Variants in MAML2 observed in about 807,000 individuals in gnomAD.
MAML2 encodes the protein mastermind-like protein 2.
A neutral mutation model predicts 96.1 loss-of-function variants in MAML2; 22 were observed. That is an observed-to-expected ratio of 0.23 (90% CI 0.16 to 0.33). The LOEUF (loss-of-function observed/expected upper bound fraction) is 0.33, where lower values mean the gene tolerates loss of function less well. Ranked by LOEUF, MAML2 falls within the 10% of genes least tolerant of loss-of-function variation. The pLI is 1.00. For synonymous variants in MAML2, 561 were observed against 521.3 expected, an observed-to-expected ratio of 1.08 and a Z score of -1.04; for missense variants, 1,367 against 1,392.4, an observed-to-expected ratio of 0.98 and a Z score of 0.29.
intron 1 of MAML2, among the ~76,000 whole-genome samples, chr11:96,127,538 A>C (rs932494510): frequency 6.6e-6 from 1 of 152,356 alleles, no homozygotes; most frequent in Middle Eastern, 3.4e-3. Flanking sequence ...TTATTAAAAG[A>C]GTAGAAGAAA....
chr11:96,334,220 A>G (rs1863888494), intron 1 of MAML2, among the ~76,000 whole-genome samples: 1 of 152,238 alleles, frequency 6.6e-6, no homozygotes, highest in South Asian at 2.1e-4. Context: ...CTTCCTCTAA[A>G]TGTCTGATGC....
At chr11:96,129,066 C>T (rs1367126440) in intron 1 of MAML2, among the ~76,000 whole-genome samples, 1 of 152,022 alleles carries the variant, frequency 6.6e-6, no homozygotes, top group Non-Finnish European at 1.5e-5. Context: ...ATCTACATGG[C>T]ACAAATCTAC....
At chr11:96,166,177 T>TCTCTCGCACA (rs530578845) in intron 1 of MAML2, among the ~76,000 whole-genome samples, 1 of 110,330 alleles carries the variant, frequency 9.1e-6, no homozygotes, top group African/African-American at 3.5e-5. Flanking sequence ...TCTCTCTCTC[T>TCTCTCGCACA]CACACACACA....
At chr11:96,225,508 T>C (rs916628703) in intron 1 of MAML2, among the ~76,000 whole-genome samples, 9 of 152,210 alleles carry the variant, frequency 5.9e-5, no homozygotes, top group Admixed American at 3.9e-4. Flanking sequence ...TAATAAATGT[T>C]AATTAATTTT....
chr11:96,240,755 A>G (rs959238452), intron 1 of MAML2, among the ~76,000 whole-genome samples: 1 of 152,086 alleles, frequency 6.6e-6, no homozygotes, highest in Admixed American at 6.5e-5. Context: ...TACTAAATGA[A>G]AACTGCCAGC....
At chr11:96,139,345 C>T (rs545759662) in intron 1 of MAML2, among the ~76,000 whole-genome samples, 279 of 152,028 alleles carry the variant, frequency 1.8e-3, no homozygotes, top group Non-Finnish European at 2.7e-3. Flanking sequence ...GGCGTGGTGG[C>T]GGGCGCCTGT....
rs138927108 is a variant in MAML2, at chr11:96,283,659, C to T, written c.513+57724G>A. Among the ~76,000 whole-genome samples the T allele has an allele frequency of 1.5e-3, 229 of 152,308 alleles. 2 individuals carry two copies. Among genetic ancestry groups the T allele is most frequent in the South Asian group, 3.9e-3 (19 of 4,826 alleles). ...TTAAGTCATGAACCCACTAGACCAA[C>T]CAACATTTGTCCTCTACGTTCTGAA... On this transcript the variant is annotated intron_variant, in intron 1 of 4. Transcript: ENST00000524717.
At chr11:96,246,656 T>G (rs1282170802) in intron 1 of MAML2, among the ~76,000 whole-genome samples, 2 of 152,116 alleles carry the variant, frequency 1.3e-5, no homozygotes, top group Admixed American at 1.3e-4. Context: ...ATGAATGGAG[T>G]CAAATGTCTG....
intron 2 of MAML2, among the ~76,000 whole-genome samples, chr11:96,061,485 G>A (rs541803620): frequency 5.3e-5 from 8 of 152,292 alleles, no homozygotes; most frequent in African/African-American, 1.9e-4. Flanking sequence ...ATAAATTTGA[G>A]AAGATAAATA....
intron 1 of MAML2, among the ~76,000 whole-genome samples, chr11:96,218,558 G>A (rs1183924395): frequency 6.6e-6 from 1 of 152,148 alleles, no homozygotes; most frequent in African/African-American, 2.4e-5. Context: ...AATTACTTTT[G>A]TGAGGTAACT....
intron 2 of MAML2, among the ~76,000 whole-genome samples, chr11:96,050,102 A>G (rs572463473): frequency 2.0e-5 from 3 of 152,282 alleles, no homozygotes; most frequent in Non-Finnish European, 4.4e-5. Flanking sequence ...ACAACCCAGT[A>G]AGGAAGGGTA....
intron 1 of MAML2, among the ~76,000 whole-genome samples, chr11:96,280,171 T>C: frequency 6.6e-6 from 1 of 152,186 alleles, no homozygotes; most frequent in East Asian, 1.9e-4. Context: ...GCTTTCAAAC[T>C]AATTTTGGAA....
intron 1 of MAML2, among the ~76,000 whole-genome samples, chr11:96,098,538 A>G (rs532358982): frequency 1.4e-4 from 21 of 152,322 alleles, no homozygotes; most frequent in African/African-American, 4.6e-4. Flanking sequence ...TTGTTTTGGG[A>G]ATGATTTTCA....
At chr11:96,295,833 A>G (rs1863288511) in intron 1 of MAML2, among the ~76,000 whole-genome samples, 2 of 151,852 alleles carry the variant, frequency 1.3e-5, no homozygotes, top group Admixed American at 6.6e-5. Context: ...ATAATCATTC[A>G]TCCACAACCT....
At chr11:96,282,016 G>A (rs1037938528) in intron 1 of MAML2, among the ~76,000 whole-genome samples, 6 of 152,070 alleles carry the variant, frequency 3.9e-5, no homozygotes, top group Non-Finnish European at 4.4e-5. Flanking sequence ...TTGGGAGGCC[G>A]AGGCAGGCGG....
intron 2 of MAML2, among the ~76,000 whole-genome samples, chr11:96,055,522 A>C (rs1859051865): frequency 6.6e-6 from 1 of 152,208 alleles, no homozygotes; most frequent in Non-Finnish European, 1.5e-5. Flanking sequence ...TTCTCTCTAT[A>C]CTTTGTATGA....
At chr11:96,019,648 T>G (rs1858404841) in intron 2 of MAML2, among the ~76,000 whole-genome samples, 1 of 149,238 alleles carries the variant, frequency 6.7e-6, no homozygotes, top group Non-Finnish European at 1.5e-5. Context: ...ATTCCCCATT[T>G]TAGCCATTTC....
intron 1 of MAML2, among the ~76,000 whole-genome samples, chr11:96,123,263 A>T (rs1324544058): frequency 6.6e-6 from 1 of 152,078 alleles, no homozygotes; most frequent in Non-Finnish European, 1.5e-5. Flanking sequence ...ATGCCATCAC[A>T]ATATACCTGA....
chr11:96,122,862 A>G (rs1290812897), intron 1 of MAML2, among the ~76,000 whole-genome samples: 1 of 152,248 alleles, frequency 6.6e-6, no homozygotes, highest in Non-Finnish European at 1.5e-5. Context: ...CCCCTGCATT[A>G]TGCATAGTGA....
Sources: gnomAD v4.1 joint callset for allele counts (sites outside exome capture counted in the v4.1 genomes callset) on GRCh38, gnomAD v4.1.1 for gene constraint, MANE v1.5 for transcripts, NCBI Gene and HGNC (gene_info 2026-07-23, HGNC 2026-07-21) for gene names.